SCFD2: variants seen among roughly 807,000 people sequenced by gnomAD.
SCFD2 encodes sec1 family domain containing 2.
In SCFD2, 54 loss-of-function variants were observed where a neutral mutation model predicts 58.9. The ratio of observed to expected loss-of-function variants is 0.92; its 90% CI spans 0.74 to 1.15. SCFD2 has a LOEUF of 1.15. Ranked by LOEUF, SCFD2 falls within the 50% of genes most tolerant of loss-of-function variation. The probability of loss-of-function intolerance (pLI) is 0.00; values close to 1 mark genes in which losing one functional copy is unlikely to be tolerated. For synonymous variants in SCFD2, 321 were observed against 335.9 expected (o/e 0.96, Z 0.49); for missense variants, 805 against 836.6 (o/e 0.96, Z 0.47).
chr4:53,111,290 C>A (rs1207416922), intron 5 of SCFD2, among the ~76,000 whole-genome samples: 1 of 151,980 alleles, frequency 6.6e-6, no homozygotes, highest in Non-Finnish European at 1.5e-5. Flanking sequence ...ACCTATGTAA[C>A]AAACCTACAT....
At chr4:53,217,875 A>G (rs1391427244) in intron 4 of SCFD2, among the ~76,000 whole-genome samples, 1 of 152,136 alleles carries the variant, frequency 6.6e-6, no homozygotes, top group Admixed American at 6.5e-5. Flanking sequence ...TTGTCTGTAA[A>G]GGATTTTATT....
intron 4 of SCFD2, among the ~76,000 whole-genome samples, chr4:53,153,959 C>A (rs768525613): frequency 1.3e-5 from 2 of 152,154 alleles, no homozygotes; most frequent in Non-Finnish European, 2.9e-5. Flanking sequence ...ACCTCATCAG[C>A]CTGGGCCATC....
chr4:53,169,169 G>A (rs1177206189), intron 4 of SCFD2, among the ~76,000 whole-genome samples: 5 of 151,842 alleles, frequency 3.3e-5, no homozygotes, highest in Non-Finnish European at 5.9e-5. Context: ...TGAGGTCAGG[G>A]GTTCAAGACC....
chr4:52,913,442 T>A (rs916183072), intron 6 of SCFD2, among the ~76,000 whole-genome samples: 2 of 152,176 alleles, frequency 1.3e-5, no homozygotes, highest in Admixed American at 6.5e-5. Flanking sequence ...ATGCTCCTTA[T>A]GAAAATCTAA....
At chr4:53,270,454 G>T (rs1460174910) in intron 4 of SCFD2, among the ~76,000 whole-genome samples, 1 of 152,160 alleles carries the variant, frequency 6.6e-6, no homozygotes, top group Non-Finnish European at 1.5e-5. Context: ...GGAATAAGAT[G>T]AAGATGCCTG....
In SCFD2 at chr4:53,132,583, C is replaced by A. The variant is rs558182992; in HGVS notation, c.1561+12750G>T. Among the ~76,000 whole-genome samples the A allele has an allele frequency of 7.2e-5, 11 of 152,270 alleles. No homozygotes were observed. In the East Asian group the frequency reaches 1.9e-3, roughly 27 times the overall value. On this transcript the variant is annotated intron_variant, in intron 5 of 8. Coordinates refer to ENST00000401642, the MANE Select transcript of SCFD2 (RefSeq NM_152540.4). ...TAAATGAGAATATTTAAATTAGAAA[C>A]AAGAGATTAGTCAAAATCCTTTCTG...
intron 5 of SCFD2, among the ~76,000 whole-genome samples, chr4:53,053,025 T>C (rs1372875328): frequency 6.6e-6 from 1 of 151,964 alleles, no homozygotes; most frequent in Non-Finnish European, 1.5e-5. Context: ...AGTTCAAGAC[T>C]AGCCTGTTCA....
chr4:53,119,652 G>C (rs905445056), intron 5 of SCFD2, among the ~76,000 whole-genome samples: 2 of 152,172 alleles, frequency 1.3e-5, no homozygotes, highest in Non-Finnish European at 2.9e-5. Flanking sequence ...AGGACTGCCA[G>C]TGTTTGGTAT....
chr4:53,364,050 A>G (rs1198362806), intron 1 of SCFD2, among the ~76,000 whole-genome samples: 3 of 152,160 alleles, frequency 2.0e-5, no homozygotes, highest in African/African-American at 7.2e-5. Context: ...ACAAGCATCT[A>G]CTTATCAGGT....
At chr4:53,139,581 G>A (rs1469420307) in intron 5 of SCFD2, among the ~76,000 whole-genome samples, 3 of 149,980 alleles carry the variant, frequency 2.0e-5, no homozygotes, top group Admixed American at 6.6e-5. Context: ...CGCCCCGTCC[G>A]GGAGGTGGGG....
At chr4:53,101,948 A>C (rs771450012) in intron 5 of SCFD2, among the ~76,000 whole-genome samples, 1 of 152,236 alleles carries the variant, frequency 6.6e-6, no homozygotes, top group Non-Finnish European at 1.5e-5. Flanking sequence ...AGAGAATATC[A>C]AGAAAAACAA....
chr4:52,922,972 C>G (rs1032538577), intron 5 of SCFD2, among the ~76,000 whole-genome samples: 1 of 152,156 alleles, frequency 6.6e-6, no homozygotes, highest in African/African-American at 2.4e-5. Context: ...TAGATTCAAA[C>G]AAGCTTAAAC....
chr4:53,323,827 C>G (rs963434995), intron 2 of SCFD2, among the ~76,000 whole-genome samples: 1 of 151,814 alleles, frequency 6.6e-6, no homozygotes, highest in African/African-American at 2.4e-5. Flanking sequence ...TTTCTGTGTT[C>G]CATGATATCC....
At chr4:52,963,683 A>G (rs1407628999) in intron 5 of SCFD2, among the ~76,000 whole-genome samples, 7 of 152,146 alleles carry the variant, frequency 4.6e-5, no homozygotes, top group Non-Finnish European at 1.0e-4. Flanking sequence ...ATTTTTCCTC[A>G]GGAATGGGGA....
intron 4 of SCFD2, among the ~76,000 whole-genome samples, chr4:53,212,472 A>AAATAAATG (rs1728646130): frequency 6.0e-5 from 1 of 16,652 alleles, no homozygotes; most frequent in African/African-American, 2.1e-4. Context: ...AGAAAGCAAA[A>AAATAAATG]AATAAATAAA....
chr4:53,181,557 T>C (rs950101734), intron 4 of SCFD2, among the ~76,000 whole-genome samples: 5 of 152,168 alleles, frequency 3.3e-5, no homozygotes, highest in African/African-American at 9.7e-5. Context: ...TCATACTGAA[T>C]GGGCAAAAAC....
At chr4:52,888,604 T>C (rs1718807240) in intron 7 of SCFD2, among the ~76,000 whole-genome samples, 2 of 152,200 alleles carry the variant, frequency 1.3e-5, no homozygotes, top group African/African-American at 2.4e-5. Flanking sequence ...GACATTTCTA[T>C]GGCATGTCAC....
At chr4:53,250,866 C>G (rs989192300) in intron 4 of SCFD2, among the ~76,000 whole-genome samples, 20 of 152,114 alleles carry the variant, frequency 1.3e-4, no homozygotes, top group African/African-American at 4.8e-4. Flanking sequence ...CATTCAAAAG[C>G]TAGCAGAAGG....
At chr4:53,334,104 C>A (rs996891280) in intron 2 of SCFD2, among the ~76,000 whole-genome samples, 1 of 152,068 alleles carries the variant, frequency 6.6e-6, no homozygotes, top group Non-Finnish European at 1.5e-5. Flanking sequence ...GGAAACAACA[C>A]GTGCTGGAGA....
Sources: gnomAD v4.1 joint callset for allele counts (sites outside exome capture counted in the v4.1 genomes callset) on GRCh38, gnomAD v4.1.1 for gene constraint, MANE v1.5 for transcripts, NCBI Gene and HGNC (gene_info 2026-07-23, HGNC 2026-07-21) for gene names.